Variants in SEC16B observed in about 807,000 individuals in gnomAD.
SEC16B encodes the protein protein transport protein Sec16B.
SEC16B carries 115 observed loss-of-function variants against 141.8 expected under a neutral mutation model. That is an observed-to-expected ratio of 0.81 (90% confidence interval 0.70 to 0.95). SEC16B has a LOEUF of 0.95. SEC16B is among the 40% of genes least tolerant of loss of function. SEC16B has a pLI of 0.00. For missense variants in SEC16B, 1,291 were observed against 1,312.3 expected, an observed-to-expected ratio of 0.98 and a Z score of 0.25; for synonymous variants, 493 against 492.5, an observed-to-expected ratio of 1.00 and a Z score of -0.01.
At chr1:177,940,794 C>G in intron 16 of SEC16B, 80 bp from the exon 17 acceptor site, 1 of 872,992 alleles carries the variant, frequency 1.1e-6, no homozygotes, top group Non-Finnish European at 1.8e-6. Flanking sequence ...GGAAAGACAA[C>G]GGGGAAGAGA....
intron 5 of SEC16B, 24 bp from the exon 6 acceptor site, chr1:177,961,758 A>C (rs1456205755): frequency 3.1e-6 from 5 of 1,611,202 alleles, no homozygotes; most frequent in Non-Finnish European, 4.2e-6. Context: ...ACAAAAACAC[A>C]CAGGAAGAAG....
chr1:177,979,545 T>C (rs181160582), intron 1 of SEC16B, among the ~76,000 whole-genome samples: 8 of 152,316 alleles, frequency 5.3e-5, no homozygotes, highest in African/African-American at 1.7e-4. Context: ...AGCAGGACAA[T>C]TTCCATAGAA....
At chr1:177,938,521 T>G (rs1416719863) in intron 18 of SEC16B, among the ~76,000 whole-genome samples, 1 of 152,226 alleles carries the variant, frequency 6.6e-6, no homozygotes, top group East Asian at 1.9e-4. Flanking sequence ...TCCCTCAAAG[T>G]GCCTGGCTAT....
At chr1:177,932,917 C>T (rs1293334916) in intron 22 of SEC16B, 111 bp from the exon 23 acceptor site, 3 of 1,049,862 alleles carry the variant, frequency 2.9e-6, no homozygotes, top group African/African-American at 3.1e-5. Flanking sequence ...CAAACTGCTG[C>T]TGGGCACTCC....
At chr1:177,951,884 G>T (rs1048822500) in intron 12 of SEC16B, 30 bp downstream of exon 12, 7 of 1,563,804 alleles carry the variant, frequency 4.5e-6, no homozygotes, top group Non-Finnish European at 6.1e-6. Context: ...GGGATGCCTG[G>T]GTGATAAAGG....
At chr1:177,938,964 G>A (rs1172369884) in intron 18 of SEC16B, among the ~76,000 whole-genome samples, 1 of 152,216 alleles carries the variant, frequency 6.6e-6, no homozygotes, top group Non-Finnish European at 1.5e-5. Flanking sequence ...GGGCACCAAG[G>A]CATCAGGAGG....
At position 177,937,392 on chromosome 1, in the gene SEC16B, G is replaced by C. The variant is rs200841977; in HGVS notation, c.2325C>G (p.Pro775=). The change falls in exon 19 of 26, where the codon CCC becomes CCG. Residue 775 remains proline (P), a synonymous_variant. Coordinates refer to ENST00000308284, the MANE Select transcript of SEC16B (RefSeq NM_033127.4). ...GGTAGGAGCCCGGCTGGAGGGGAAA[G>C]GGCTGCTGTGGGCTGGGCTGGAGCA... is the stretch of plus-strand genomic sequence containing the variant. ...TCLLQPSPQQ[P]FPLQPGSYPA... The C allele has an allele frequency of 3.7e-6, 6 of 1,611,336 alleles. No homozygotes were observed. In the African/African-American group the frequency reaches 6.7e-5, roughly 18 times the overall value.
rs1454274245 is a variant in SEC16B at position 177,961,666 on chromosome 1, C to T, written c.711G>A (p.Glu237=). 1.2e-6 allele frequency: 2 copies of T among 1,613,992 alleles called. No homozygotes were observed. The highest frequency in any genetic ancestry group is 2.2e-5 in the East Asian group (1 of 44,874). ...GGGCATCTCTGATGTACTGACTGAGCTCATAGCTGCTGGAGCTGAGACCAG... is the reference window on the plus strand; with the variant it reads ...GGGCATCTCTGATGTACTGACTGAGTTCATAGCTGCTGGAGCTGAGACCAG... The part of the protein sequence containing the change: ...RESGLSSSSY[E]LSQYIRDAPE... Residue 237 remains glutamate, a synonymous_variant, in exon 6 of 26, where the codon GAG becomes GAA. Transcript: ENST00000308284.
chr1:177,934,624 A>G lies in SEC16B; in HGVS notation c.2572-988T>C, dbSNP rs181345418. 2.6e-4 allele frequency among the ~76,000 whole-genome samples: 39 copies of G among 152,330 alleles called. 1 individual carries two copies. The East Asian group carries it at 7.5e-3, about 29-fold the overall frequency. ...CTATTATTATCTCATTTTATATATA[A>G]GAAAACTAAGGCACAGAAAGGTTAA... On this transcript the variant is annotated intron_variant, in intron 20 of 25. Coordinates refer to ENST00000308284, the MANE Select transcript of SEC16B (RefSeq NM_033127.4).
intron 2 of SEC16B, 30 bp downstream of exon 2, chr1:177,967,653 T>A: frequency 4.0e-6 from 6 of 1,517,368 alleles, no homozygotes; most frequent in South Asian, 1.3e-5. Flanking sequence ...TTTAGGAGAG[T>A]TGCATTCATT....
At chr1:177,932,134 A>T (rs186066751) in intron 24 of SEC16B, among the ~76,000 whole-genome samples, 7 of 152,334 alleles carry the variant, frequency 4.6e-5, no homozygotes, top group Admixed American at 3.9e-4. Context: ...CCATTCCAGT[A>T]TGACTGATGT....
chr1:177,972,896 C>G (rs776329089), upstream of SEC16B, among the ~76,000 whole-genome samples: 1 of 152,194 alleles, frequency 6.6e-6, no homozygotes, highest in Non-Finnish European at 1.5e-5. Context: ...TCTCCTCTCT[C>G]TCTCTGCTCT....
At position 177,940,684 on chromosome 1, in the gene SEC16B, G is replaced by A. The variant is rs772530066; in HGVS notation, c.2053C>T (p.Leu685=). 5 of 1,613,838 alleles carry A rather than the reference G, an allele frequency of 3.1e-6. No homozygotes were observed. The highest frequency in any genetic ancestry group is 4.2e-6 in the Non-Finnish European group (5 of 1,179,832). ...LAEKLKLSDP[L]VLERRSGDRD... ...TCTCCACTGCGTCTTTCTAAAACCA[G>A]AGGATCTGACAGCTTCAGTTTCTCT... The change falls in exon 17 of 26, where the codon CTG becomes TTG. Residue 685 remains leucine (L), a synonymous_variant. Coordinates refer to ENST00000308284, the MANE Select transcript of SEC16B (RefSeq NM_033127.4).
Position 177,929,737 on chromosome 1 carries a change from G to T in SEC16B, c.*121C>A, listed in dbSNP as rs1452542021. On this transcript the variant is annotated 3_prime_UTR_variant, in exon 26 of 26. Transcript: ENST00000308284. ...CTTGCCTTCTAAGTGCCCGGTGGAG[G>T]CATCGGGCTAGCACAAACCTCTTGA... is the stretch of plus-strand genomic sequence containing the variant. The T allele has an allele frequency of 9.2e-6, 9 of 983,510 alleles. No individual in the cohort carries two copies. The African/African-American group carries it at 1.3e-4, about 14-fold the overall frequency. 60.9% of individuals were successfully genotyped at this position (983,510 alleles called of 1,614,324 possible). A position where few individuals can be genotyped will look rare whatever the true frequency, so the allele number is the denominator to read the frequency against.
At chr1:177,964,052 G>A (rs1329500447) in intron 5 of SEC16B, 119 bp downstream of exon 5, 3 of 648,728 alleles carry the variant, frequency 4.6e-6, no homozygotes, top group Non-Finnish European at 7.9e-6. Context: ...GGGAGGAATG[G>A]GTCCTCCAGA....
At chr1:177,948,709 C>A (rs147313463) in intron 12 of SEC16B, 15 of 1,223,182 alleles carry the variant, frequency 1.2e-5, no homozygotes, top group Middle Eastern at 3.7e-4. Flanking sequence ...GGAAACAACA[C>A]AGGCCCCAAC....
Position 177,958,226 on chromosome 1 carries a change from G to T in SEC16B, c.1271C>A (p.Pro424Gln). The T allele has an allele frequency of 1.2e-6, 2 of 1,604,064 alleles. No individual in the cohort carries two copies. Among genetic ancestry groups the T allele is most frequent in the Non-Finnish European group, 1.7e-6 (2 of 1,175,034 alleles). Residue 424 changes from proline (P) to glutamine (Q), a missense_variant, in exon 10 of 26, where the codon CCG (proline) becomes CAG (glutamine). Around this residue, in one of 3 missense-constraint regions of SEC16B, gnomAD observed 681 missense variants for 675.5 expected, o/e 1.01. Coordinates refer to ENST00000308284, the MANE Select transcript of SEC16B (RefSeq NM_033127.4). The stretch of plus-strand genomic sequence containing the variant: ...GGGGATCTCTCCCGTGAGCAGGTTC[G>T]GGGTCCCAGAGCTCAGCACTGGCCA... ...EDWPVLSSGT[P>Q]NLLTGEIPPS...
At chr1:177,942,985 A>G (rs1368924223) in intron 15 of SEC16B, among the ~76,000 whole-genome samples, 1 of 152,176 alleles carries the variant, frequency 6.6e-6, no homozygotes, top group East Asian at 1.9e-4. Context: ...CGCATGCAAG[A>G]GATGAGGGCC....
chr1:177,932,360 G>T, intron 24 of SEC16B, 130 bp downstream of exon 24: 1 of 643,438 alleles, frequency 1.6e-6, no homozygotes, highest in South Asian at 2.6e-5. Flanking sequence ...ATGACAGCCT[G>T]AGCAAACTAA....
Sources: allele counts gnomAD v4.1 joint callset (sites outside exome capture counted in the v4.1 genomes callset), GRCh38; gene constraint gnomAD v4.1.1; regional missense constraint gnomAD v4.1.1; transcripts MANE v1.5; gene names NCBI Gene and HGNC (gene_info 2026-07-23, HGNC 2026-07-21).